CDYL2: variants seen among roughly 807,000 people sequenced by gnomAD.
CDYL2 encodes the protein chromodomain Y like 2, also known as chromodomain Y-like protein 2.
In CDYL2, 23 loss-of-function variants were observed where a neutral mutation model predicts 49.4. The observed-to-expected ratio is 0.47, with a 90% CI of 0.34 to 0.66. The LOEUF (loss-of-function observed/expected upper bound fraction) is 0.66, where lower values mean the gene tolerates loss of function less well. Ranked by LOEUF, CDYL2 falls within the 30% of genes least tolerant of loss-of-function variation. The pLI is 0.01. For synonymous variants in CDYL2, 360 were observed against 268.8 expected, an observed-to-expected ratio of 1.34 and a Z score of -3.32; for missense variants, 678 against 656.4, an observed-to-expected ratio of 1.03 and a Z score of -0.36.
At chr16:80,740,949 A>G (rs536672475) in intron 1 of CDYL2, among the ~76,000 whole-genome samples, 73 of 152,010 alleles carry the variant, frequency 4.8e-4, no homozygotes, top group African/African-American at 1.7e-3. Flanking sequence ...AGCAATTTCA[A>G]TCAAAACCCC....
At position 80,633,173 on chromosome 16, in the gene CDYL2, T is replaced by C. The variant is rs373147588; in HGVS notation, c.680A>G (p.Glu227Gly). Reference protein sequence around the residue: ...HSPVKRKLEAEKDYVFDKRLR... With the variant: ...HSPVKRKLEAGKDYVFDKRLR... ...CCTTTTGTCAAAGACGTAGTCCTTC[T>C]CCGCTTCCAGCTTCCTCTTCACTGG... Residue 227 changes from glutamate (E) to glycine (G), a missense_variant, in exon 3 of 7, where the codon GAG becomes GGG. This residue lies in a region of CDYL2 where 478 missense variants were observed against 427.0 expected (regional missense o/e 1.12). Transcript: ENST00000570137. The C allele has an allele frequency of 1.5e-4, 236 of 1,614,102 alleles. 1 individual carries two copies. Among genetic ancestry groups the C allele is most frequent in the Non-Finnish European group, 1.9e-4 (228 of 1,180,038 alleles).
At chr16:80,650,129 A>C (rs562379877) in intron 2 of CDYL2, among the ~76,000 whole-genome samples, 1 of 152,292 alleles carries the variant, frequency 6.6e-6, no homozygotes, top group East Asian at 1.9e-4. Flanking sequence ...GGATCACAGT[A>C]AGTTAAAAAG....
intron 1 of CDYL2, among the ~76,000 whole-genome samples, chr16:80,694,466 T>G (rs1910542787): frequency 6.9e-6 from 1 of 145,634 alleles, no homozygotes; most frequent in Non-Finnish European, 1.5e-5. Context: ...TGATAGGAAA[T>G]GAAAGCCAGG....
chr16:80,667,677 T>C (rs1057206935), intron 2 of CDYL2, among the ~76,000 whole-genome samples: 4 of 152,172 alleles, frequency 2.6e-5, no homozygotes, highest in African/African-American at 9.7e-5. Context: ...GTATGTAAAG[T>C]GATTTTAAAA....
chr16:80,617,298 T>A (rs1046081707), intron 4 of CDYL2, among the ~76,000 whole-genome samples: 2 of 152,206 alleles, frequency 1.3e-5, no homozygotes, highest in African/African-American at 4.8e-5. Flanking sequence ...TGGTCAGCCC[T>A]ACCAGGAGCG....
chr16:80,792,383 G>C (rs1281880101), intron 1 of CDYL2, among the ~76,000 whole-genome samples: 1 of 152,154 alleles, frequency 6.6e-6, no homozygotes, highest in Non-Finnish European at 1.5e-5. Context: ...AATATTTCAA[G>C]AACAAGAGGT....
chr16:80,795,126 G>C (rs1383983543), intron 1 of CDYL2, among the ~76,000 whole-genome samples: 1 of 152,154 alleles, frequency 6.6e-6, no homozygotes, highest in Non-Finnish European at 1.5e-5. Flanking sequence ...TAGAAGACAA[G>C]GTAATGAAAA....
At chr16:80,792,615 T>TG (rs1191679866) in intron 1 of CDYL2, among the ~76,000 whole-genome samples, 2 of 152,246 alleles carry the variant, frequency 1.3e-5, no homozygotes, top group Admixed American at 6.5e-5. Context: ...AGGTGTGTTC[T>TG]GGGGATCCAG....
At chr16:80,727,912 C>A (rs1304331523) in intron 1 of CDYL2, among the ~76,000 whole-genome samples, 2 of 152,148 alleles carry the variant, frequency 1.3e-5, no homozygotes, top group Non-Finnish European at 2.9e-5. Context: ...GGAAAACTAA[C>A]AAACAGAAAG....
intron 2 of CDYL2, among the ~76,000 whole-genome samples, chr16:80,681,403 G>A (rs555701270): frequency 6.6e-6 from 1 of 152,198 alleles, no homozygotes; most frequent in South Asian, 2.1e-4. Flanking sequence ...CCTGAACACT[G>A]GCTTCAGCAA....
intron 1 of CDYL2, among the ~76,000 whole-genome samples, chr16:80,761,430 G>C (rs969588759): frequency 6.6e-6 from 1 of 152,208 alleles, no homozygotes; most frequent in Non-Finnish European, 1.5e-5. Flanking sequence ...GCTTAGTAGA[G>C]AGCTTGACGT....
At chr16:80,804,650 C>T (rs1442008381), upstream of CDYL2, among the ~76,000 whole-genome samples, 4 of 145,138 alleles carry the variant, frequency 2.8e-5, no homozygotes, top group Admixed American at 2.0e-4. Context: ...GGCGGGGAGG[C>T]GGGGGCTGCT....
intron 1 of CDYL2, among the ~76,000 whole-genome samples, chr16:80,760,856 C>G (rs774118528): frequency 2.6e-5 from 4 of 151,756 alleles, no homozygotes; most frequent in Non-Finnish European, 5.9e-5. Flanking sequence ...ATCATAGAAA[C>G]TGAAGGTTGC....
At chr16:80,628,111 A>G (rs2142385329) in intron 3 of CDYL2, 1 of 152,350 alleles carries the variant, frequency 6.6e-6, no homozygotes, top group Middle Eastern at 3.4e-3. Flanking sequence ...GACTAGATGC[A>G]TACTCTCCCT....
Position 80,797,164 on chromosome 16 carries a change from C to T in CDYL2, c.24+6986G>A, listed in dbSNP as rs145976079. Among the ~76,000 whole-genome samples, 357 of 152,300 alleles carry T rather than the reference C, an allele frequency of 2.3e-3. 2 individuals are homozygous for T. The highest frequency in any genetic ancestry group is 7.9e-3 in the African/African-American group (328 of 41,552). On this transcript the variant is annotated intron_variant, in intron 1 of 6. Transcript: ENST00000570137. The stretch of plus-strand genomic sequence containing the variant: ...CATACTAATTATTCCCAATCCCTAT[C>T]GCCATGTCAAATAGTGCTCCTGAGC...
intron 2 of CDYL2, among the ~76,000 whole-genome samples, chr16:80,655,736 A>G (rs1908779177): frequency 6.6e-6 from 1 of 152,158 alleles, no homozygotes; most frequent in Non-Finnish European, 1.5e-5. Flanking sequence ...CTCCTTGAGT[A>G]CTGGATTCAA....
chr16:80,705,579 G>A (rs559813542), intron 1 of CDYL2, among the ~76,000 whole-genome samples: 8 of 152,358 alleles, frequency 5.3e-5, no homozygotes, highest in Admixed American at 4.6e-4. Flanking sequence ...TCTGTTGCAG[G>A]CCTTTGTGCT....
intron 1 of CDYL2, among the ~76,000 whole-genome samples, chr16:80,711,045 C>CT (rs1350872052): frequency 3.3e-5 from 5 of 152,158 alleles, no homozygotes; most frequent in Non-Finnish European, 7.4e-5. Context: ...AATATGGAAA[C>CT]AATAGTCCCT....
At chr16:80,736,284 A>G (rs1366612356) in intron 1 of CDYL2, 1 of 152,286 alleles carries the variant, frequency 6.6e-6, no homozygotes, top group Non-Finnish European at 1.5e-5. Flanking sequence ...TCTAACGGCA[A>G]AACACGATAC....
Sources: allele counts gnomAD v4.1 joint callset (sites outside exome capture counted in the v4.1 genomes callset), GRCh38; gene constraint gnomAD v4.1.1; regional missense constraint gnomAD v4.1.1; transcripts MANE v1.5; gene names NCBI Gene and HGNC (gene_info 2026-07-23, HGNC 2026-07-21).